Variants in MOCS2 observed in about 807,000 individuals in gnomAD.
MOCS2 encodes the protein molybdopterin synthase catalytic subunit.
Under a neutral mutation model 21.9 loss-of-function variants are expected in MOCS2, and 13 were observed. The observed-to-expected ratio is 0.59, with a 90% CI of 0.39 to 0.94. MOCS2 has a LOEUF of 0.94. Among genes scored for constraint, MOCS2 ranks in the 40% least tolerant of loss-of-function variants. The pLI, the probability that MOCS2 is intolerant of heterozygous loss-of-function variation, is 0.00. For missense variants in MOCS2, 227 were observed against 218.3 expected (o/e 1.04, Z -0.25); for synonymous variants, 92 against 80.8 (o/e 1.14, Z -0.74).
At chr5:53,100,294 A>T in intron 6 of MOCS2, 117 bp downstream of exon 6, 1 of 1,171,862 alleles carries the variant, frequency 8.5e-7, no homozygotes, top group Non-Finnish European at 1.2e-6. Context: ...TATTTCACAG[A>T]TAAAGAAAAC....
chr5:53,098,626 C>T lies in MOCS2; in HGVS notation c.543G>A (p.Glu181=). ...ATTAACTGTTGGATGCCCAAAAGCA[C>T]TCTTTGTTTCCTTTCCAAGTTGATG... ...EESSTWKGNK[E]CFWASNS is the part of the protein sequence containing the mutation. Residue 181 remains glutamate (E), a synonymous_variant, in exon 7 of 7, where the codon GAG becomes GAA. Coordinates refer to ENST00000396954, the MANE Select transcript of MOCS2 (RefSeq NM_004531.5). 6.2e-7 allele frequency: 1 copy of T among 1,613,884 alleles called. No individual in the cohort carries two copies. Among genetic ancestry groups the T allele is most frequent in the African/African-American group, 1.3e-5 (1 of 75,032 alleles).
Position 53,109,710 on chromosome 5 carries a change from A to C in MOCS2, c.-629T>G. ...GCCCGCACGCACACCCGCCACCCTT[A>C]CCTGGCACAGCGGCACCATCCCGCC... On this transcript the variant is annotated 5_prime_UTR_variant, in exon 1 of 7. Transcript: ENST00000396954. The C allele has an allele frequency of 6.4e-7, 1 of 1,553,144 alleles. No individual in the cohort carries two copies. The highest frequency in any genetic ancestry group is 8.7e-7 in the Non-Finnish European group (1 of 1,148,318).
chr5:53,098,755 T>TAA, intron 6 of MOCS2, 88 bp from the exon 7 acceptor site: 1 of 939,984 alleles, frequency 1.1e-6, no homozygotes, highest in Non-Finnish European at 1.7e-6. Flanking sequence ...GACAAATGAA[T>TAA]ATCACATCTA....
Position 53,097,424 on chromosome 5 carries a change from T to G in MOCS2, c.*1178A>C, listed in dbSNP as rs904480651. 1 of 152,170 alleles carries G rather than the reference T, an allele frequency of 6.6e-6. No individual in the cohort carries two copies. Among genetic ancestry groups the G allele is most frequent in the African/African-American group, 2.4e-5 (1 of 41,418 alleles). 9.4% of individuals were successfully genotyped at this position (152,170 alleles called of 1,614,324 possible). ...AGATGTTTTCACTACATATAACAAA[T>G]AGGATTACTACGTTTCTTATTTGTC... On this transcript the variant is annotated 3_prime_UTR_variant, in exon 7 of 7. Transcript: ENST00000396954.
At chr5:53,100,159 A>C (rs1273903385) in intron 6 of MOCS2, among the ~76,000 whole-genome samples, 1 of 152,214 alleles carries the variant, frequency 6.6e-6, no homozygotes, top group Non-Finnish European at 1.5e-5. Flanking sequence ...AAATAACTTC[A>C]TGTATGAACC....
In MOCS2 at chr5:53,098,324, A is replaced by C; in HGVS notation, c.*278T>G. On this transcript the variant is annotated 3_prime_UTR_variant, in exon 7 of 7. Coordinates refer to ENST00000396954, the MANE Select transcript of MOCS2 (RefSeq NM_004531.5). Reference sequence around the variant, plus strand: ...CAATGTGTGTTGAGTTACAATTAGAAATTAGTCATGGAAGGACATGTCTAC... The same window carrying C: ...CAATGTGTGTTGAGTTACAATTAGACATTAGTCATGGAAGGACATGTCTAC... The C allele has an allele frequency of 2.2e-6, 1 of 451,904 alleles. No individual in the cohort carries two copies. The highest frequency in any genetic ancestry group is 4.0e-6 in the Non-Finnish European group (1 of 247,962). 28.0% of individuals were successfully genotyped at this position (451,904 alleles called of 1,614,324 possible).
At chr5:53,099,097 T>C (rs1740836000) in intron 6 of MOCS2, among the ~76,000 whole-genome samples, 1 of 152,134 alleles carries the variant, frequency 6.6e-6, no homozygotes, top group African/African-American at 2.4e-5. Flanking sequence ...AGAAGTTACA[T>C]AGTTTGTGGA....
Position 53,096,534 on chromosome 5 carries a change from T to C in MOCS2, c.*2068A>G, listed in dbSNP as rs918432495. The C allele has an allele frequency of 6.6e-6, 1 of 152,218 alleles. No individual in the cohort carries two copies. Among genetic ancestry groups the C allele is most frequent in the African/African-American group, 2.4e-5 (1 of 41,446 alleles). 9.4% of individuals were successfully genotyped at this position (152,218 alleles called of 1,614,324 possible). ...ACTCTTCTAGTTACTTGAAGCTAAGTTACAGAGATGATAGAAAAGCTACAT... is the reference window on the plus strand; with the variant it reads ...ACTCTTCTAGTTACTTGAAGCTAAGCTACAGAGATGATAGAAAAGCTACAT... On this transcript the variant is annotated 3_prime_UTR_variant, in exon 7 of 7. Coordinates refer to ENST00000396954, the MANE Select transcript of MOCS2 (RefSeq NM_004531.5).
Position 53,095,747 on chromosome 5 carries a change from G to C in MOCS2, c.*2855C>G, listed in dbSNP as rs978582441. 7 of 152,088 alleles carry C rather than the reference G, an allele frequency of 4.6e-5. No homozygotes were observed. The highest frequency in any genetic ancestry group is 1.7e-4 in the African/African-American group (7 of 41,426). 9.4% of individuals were successfully genotyped at this position (152,088 alleles called of 1,614,324 possible). A position where few individuals can be genotyped will look rare whatever the true frequency, so the allele number is the denominator to read the frequency against. ...GAGCAGGTTAGGAAATGCTGTACAG[G>C]TTAGGAAGACCTGTATTAAAGCAAT... On this transcript the variant is annotated 3_prime_UTR_variant, in exon 7 of 7. Transcript: ENST00000396954.
chr5:53,097,960 A>G lies in MOCS2; in HGVS notation c.*642T>C, dbSNP rs1201280254. The G allele has an allele frequency of 6.6e-6, 1 of 152,218 alleles. No individual in the cohort carries two copies. The highest frequency in any genetic ancestry group is 2.4e-5 in the African/African-American group (1 of 41,450). 9.4% of individuals were successfully genotyped at this position (152,218 alleles called of 1,614,324 possible). On this transcript the variant is annotated 3_prime_UTR_variant, in exon 7 of 7. Coordinates refer to ENST00000396954, the MANE Select transcript of MOCS2 (RefSeq NM_004531.5). ...ATTGATACAAAATTAACAACTAATA[A>G]AAAACAACAAAAAGTTTTCTGGTAA...
In MOCS2 at chr5:53,098,418, C is replaced by A; in HGVS notation, c.*184G>T. ...ACAGTCCTCCTTCTATCTTTAGTTC[C>A]ATTTTAAATAACCCTTCATCCTACA... On this transcript the variant is annotated 3_prime_UTR_variant, in exon 7 of 7. Transcript: ENST00000396954. 2 of 615,048 alleles carry A rather than the reference C, an allele frequency of 3.3e-6. No individual in the cohort carries two copies. The highest frequency in any genetic ancestry group is 2.9e-6 in the Non-Finnish European group (1 of 343,716). 38.1% of individuals were successfully genotyped at this position (615,048 alleles called of 1,614,324 possible).
chr5:53,102,055 T>C, intron 4 of MOCS2, 42 bp downstream of exon 4: 1 of 1,597,294 alleles, frequency 6.3e-7, no homozygotes, highest in Non-Finnish European at 8.6e-7. Flanking sequence ...CTAATTTCTA[T>C]TGTCTTATAC....
In MOCS2 at chr5:53,097,560, TA is replaced by T. The variant is rs1740779256; in HGVS notation, c.*1041del. 1 of 152,214 alleles carries T rather than the reference TA, an allele frequency of 6.6e-6. No individual in the cohort carries two copies. The highest frequency in any genetic ancestry group is 2.4e-5 in the African/African-American group (1 of 41,458). The allele number at this position is 152,214 out of a possible 1,614,324, so 9.4% of individuals were successfully genotyped here. On this transcript the variant is annotated 3_prime_UTR_variant, in exon 7 of 7. Transcript: ENST00000396954. ...ATGCCGACTGCCCAAATTTTGCCTG[TA>T]TTTTATTATTTTATGAGCTATGTGT...
chr5:53,108,627 AAATAC>A lies in MOCS2; in HGVS notation c.-158_-154del, dbSNP rs1741117263. The A allele has an allele frequency of 6.2e-7, 1 of 1,613,680 alleles. No homozygotes were observed. The highest frequency in any genetic ancestry group is 1.1e-5 in the South Asian group (1 of 91,038). The stretch of plus-strand genomic sequence containing the variant: ...TCCTGTTATTTCAGCACTTTTTGCA[AAATAC>A]AATACTTCAACCTGAAAGTAAAGAA... On this transcript the variant is annotated 5_prime_UTR_variant, in exon 2 of 7. Transcript: ENST00000396954.
At chr5:53,103,692 G>GA (rs1279425388) in intron 3 of MOCS2, among the ~76,000 whole-genome samples, 1 of 152,106 alleles carries the variant, frequency 6.6e-6, no homozygotes, top group Non-Finnish European at 1.5e-5. Context: ...TCAAATAGGA[G>GA]AAACAAAGCA....
chr5:53,101,210 A>G (rs1740898647), intron 5 of MOCS2, 149 bp downstream of exon 5: 1 of 854,502 alleles, frequency 1.2e-6, no homozygotes, highest in African/African-American at 1.7e-5. Context: ...TAAAGGTACT[A>G]ACAGCCATCC....
Position 53,109,301 on chromosome 5 carries a change from T to C in MOCS2, c.-220A>G, listed in dbSNP as rs920766681. ...TACGAAATAATTACAGGTTTGCAAA[T>C]GATCAAGGGTGTAGAAATCCACAGA... On this transcript the variant is annotated 5_prime_UTR_variant, in exon 1 of 7. Coordinates refer to ENST00000396954, the MANE Select transcript of MOCS2 (RefSeq NM_004531.5). The C allele has an allele frequency of 2.9e-6, 3 of 1,025,218 alleles. No homozygotes were observed. The highest frequency in any genetic ancestry group is 3.5e-6 in the Non-Finnish European group (3 of 856,604). 63.5% of individuals were successfully genotyped at this position (1,025,218 alleles called of 1,614,324 possible).
chr5:53,096,325 T>A lies in MOCS2; in HGVS notation c.*2277A>T, dbSNP rs1000084809. The A allele has an allele frequency of 2.6e-5, 4 of 152,210 alleles. No homozygotes were observed. The highest frequency in any genetic ancestry group is 9.6e-5 in the African/African-American group (4 of 41,466). The allele number at this position is 152,210 out of a possible 1,614,324, so 9.4% of individuals were successfully genotyped here. A position where few individuals can be genotyped will look rare whatever the true frequency, so the allele number is the denominator to read the frequency against. On this transcript the variant is annotated 3_prime_UTR_variant, in exon 7 of 7. Transcript: ENST00000396954. ...ACTCATTGAATATCTGCTGTTACTT[T>A]CATTCAAAGATGATAAAAATCAATT...
chr5:53,099,745 C>T (rs1371355581), intron 6 of MOCS2, among the ~76,000 whole-genome samples: 1 of 152,204 alleles, frequency 6.6e-6, no homozygotes, highest in African/African-American at 2.4e-5. Context: ...ATTAACTCCT[C>T]AGCTTTCTGT....
Sources: gnomAD v4.1 joint callset for allele counts (sites outside exome capture counted in the v4.1 genomes callset) on GRCh38, gnomAD v4.1.1 for gene constraint, MANE v1.5 for transcripts, NCBI Gene and HGNC (gene_info 2026-07-23, HGNC 2026-07-21) for gene names.